The following PRKCA variants were observed in gnomAD, a reference collection of about 807,000 sequenced individuals.
PRKCA encodes the protein protein kinase C alpha type.
In PRKCA, 27 loss-of-function variants were observed where a neutral mutation model predicts 87.0. The ratio of observed to expected loss-of-function variants is 0.31; its 90% CI spans 0.23 to 0.43. The LOEUF is 0.43. Ranked by LOEUF, PRKCA falls within the 20% of genes least tolerant of loss-of-function variation. The pLI is 1.00. For missense variants in PRKCA, 518 were observed against 852.3 expected, an observed-to-expected ratio of 0.61 and a Z score of 4.88; for synonymous variants, 329 against 311.1, an observed-to-expected ratio of 1.06 and a Z score of -0.61.
Position 66,412,332 on chromosome 17 carries a change from C to T in PRKCA, c.206-83869C>T, listed in dbSNP as rs144898655. ...TTGGCCTTCTGAAGTGCTGGGATTA[C>T]AAGCGTGAGCCACTGCACCTGGCCT... On this transcript the variant is annotated intron_variant, in intron 2 of 16. Coordinates refer to ENST00000413366, the MANE Select transcript of PRKCA (RefSeq NM_002737.3). Among the ~76,000 whole-genome samples, 349 of 152,310 alleles carry T rather than the reference C, an allele frequency of 2.3e-3. 2 individuals are homozygous for T. Among genetic ancestry groups the T allele is most frequent in the African/African-American group, 7.8e-3 (325 of 41,574 alleles).
intron 2 of PRKCA, among the ~76,000 whole-genome samples, chr17:66,419,027 G>A (rs1476445639): frequency 6.6e-6 from 1 of 151,916 alleles, no homozygotes; most frequent in Non-Finnish European, 1.5e-5. Context: ...CCAAAGTGCT[G>A]GGATTACAGG....
intron 3 of PRKCA, among the ~76,000 whole-genome samples, chr17:66,548,945 C>T (rs149321718): frequency 3.3e-5 from 5 of 151,946 alleles, no homozygotes; most frequent in Admixed American, 2.0e-4. Context: ...GTAGCTGGGA[C>T]CACAAGTGCA....
intron 2 of PRKCA, among the ~76,000 whole-genome samples, chr17:66,442,831 A>G (rs1567831385): frequency 6.6e-6 from 1 of 152,180 alleles, no homozygotes; most frequent in Non-Finnish European, 1.5e-5. Context: ...ACATACATGG[A>G]CACACTTTTC....
At chr17:66,773,797 A>G (rs1272043560) in intron 13 of PRKCA, among the ~76,000 whole-genome samples, 190 bp from the exon 14 acceptor site, 1 of 152,092 alleles carries the variant, frequency 6.6e-6, no homozygotes, top group African/African-American at 2.4e-5. Context: ...TGGGCAGTGA[A>G]TCACGGGGTG....
chr17:66,781,888 G>T (rs4074840), intron 14 of PRKCA, among the ~76,000 whole-genome samples: 47 of 66,130 alleles, frequency 7.1e-4, no homozygotes, highest in South Asian at 1.3e-3. Flanking sequence ...TATATATATA[G>T]TGTGTGTGTG....
At chr17:66,499,119 G>T (rs566654416) in intron 3 of PRKCA, among the ~76,000 whole-genome samples, 1 of 151,780 alleles carries the variant, frequency 6.6e-6, no homozygotes, top group African/African-American at 2.4e-5. Context: ...TCAGAAGTGG[G>T]GTATGTCCTA....
At chr17:66,314,925 GTATATA>G (rs149554722) in intron 2 of PRKCA, among the ~76,000 whole-genome samples, 1 of 151,074 alleles carries the variant, frequency 6.6e-6, no homozygotes, top group South Asian at 2.1e-4. Flanking sequence ...GTATATGTGT[GTATATA>G]TATGTGTGTG....
At chr17:66,467,196 C>G (rs1915125643) in intron 2 of PRKCA, among the ~76,000 whole-genome samples, 1 of 152,150 alleles carries the variant, frequency 6.6e-6, no homozygotes. Flanking sequence ...TCGTGGCTTA[C>G]AGGCTCTCAT....
intron 5 of PRKCA, among the ~76,000 whole-genome samples, chr17:66,667,685 TAAC>T (rs1158630966): frequency 8.5e-5 from 13 of 152,076 alleles, no homozygotes; most frequent in African/African-American, 3.1e-4. Flanking sequence ...AGGGACAAGT[TAAC>T]AACATGAAAG....
At chr17:66,697,048 C>G (rs539851413) in intron 8 of PRKCA, among the ~76,000 whole-genome samples, 4 of 152,294 alleles carry the variant, frequency 2.6e-5, no homozygotes, top group African/African-American at 9.6e-5. Flanking sequence ...CATAGACCAT[C>G]GTCATCACAC....
intron 8 of PRKCA, among the ~76,000 whole-genome samples, chr17:66,695,950 G>A (rs16960068): frequency 0.068 from 10,379 of 152,212 alleles, 385 homozygotes; most frequent in South Asian, 0.14. Context: ...GCTCTCTAAA[G>A]GGAAATACTT....
intron 8 of PRKCA, among the ~76,000 whole-genome samples, chr17:66,692,714 G>A (rs1285392423): frequency 2.0e-5 from 3 of 152,026 alleles, no homozygotes; most frequent in South Asian, 2.1e-4. Context: ...GCCCTTTCTC[G>A]CCAACTAACT....
chr17:66,404,611 A>G (rs1299084032), intron 2 of PRKCA, among the ~76,000 whole-genome samples: 1 of 152,034 alleles, frequency 6.6e-6, no homozygotes, highest in East Asian at 1.9e-4. Flanking sequence ...CTTGTTAGCA[A>G]CTACCCAAAT....
At chr17:66,640,904 TA>T in intron 3 of PRKCA, 1 of 420,588 alleles carries the variant, frequency 2.4e-6, no homozygotes, top group Non-Finnish European at 4.7e-6. Context: ...TTCACGCCTG[TA>T]ATCCCAGCAC....
intron 2 of PRKCA, among the ~76,000 whole-genome samples, chr17:66,426,246 G>A (rs1912797508): frequency 6.6e-6 from 1 of 152,120 alleles, no homozygotes; most frequent in African/African-American, 2.4e-5. Flanking sequence ...CTGGTGTAGG[G>A]TGGGGAAGGA....
chr17:66,593,012 G>C (rs1000224236), intron 3 of PRKCA, among the ~76,000 whole-genome samples: 1 of 152,082 alleles, frequency 6.6e-6, no homozygotes, highest in Non-Finnish European at 1.5e-5. Flanking sequence ...GGCTGGTCTC[G>C]AACTCCCGAC....
intron 5 of PRKCA, among the ~76,000 whole-genome samples, chr17:66,675,771 C>T (rs1972312243): frequency 6.6e-6 from 1 of 152,172 alleles, no homozygotes; most frequent in African/African-American, 2.4e-5. Context: ...CCGGAGCCTG[C>T]CTGGGCCCCT....
chr17:66,735,968 T>C (rs1387475684), intron 10 of PRKCA, among the ~76,000 whole-genome samples: 1 of 144,762 alleles, frequency 6.9e-6, no homozygotes, highest in African/African-American at 2.5e-5. Flanking sequence ...TCGCCCAGGC[T>C]AGAGTGCAGT....
rs1027516867 is a variant in PRKCA, at chr17:66,807,834, G to A, written c.*3797G>A. ...TGCTGAGAAGGGAGAGGGAGGCGGG[G>A]GCTGTAGTCAGGAAGGAGCCAGAGA... On this transcript the variant is annotated 3_prime_UTR_variant, in exon 17 of 17. Transcript: ENST00000413366. This position sits in a 1 kb window ranked among gnomAD's most constrained non-coding sequence, Gnocchi z 4.3. 1 of 152,266 alleles carries A rather than the reference G, an allele frequency of 6.6e-6. No homozygotes were observed. The highest frequency in any genetic ancestry group is 2.4e-5 in the African/African-American group (1 of 41,426). The allele number at this position is 152,266 out of a possible 1,614,324, so 9.4% of individuals were successfully genotyped here.
Sources: gnomAD v4.1 joint callset for allele counts (sites outside exome capture counted in the v4.1 genomes callset) on GRCh38, gnomAD v4.1.1 for gene constraint, Gnocchi (gnomAD v3.1) non-coding constraint, MANE v1.5 for transcripts, NCBI Gene and HGNC (gene_info 2026-07-23, HGNC 2026-07-21) for gene names.